The following PMFBP1 variants were observed in gnomAD, a reference collection of about 807,000 sequenced individuals.
The protein encoded by PMFBP1 is polyamine modulated factor 1 binding protein 1.
A neutral mutation model predicts 137.8 loss-of-function variants in PMFBP1; 131 were observed. That is an observed-to-expected ratio of 0.95 (90% CI 0.82 to 1.10). The LOEUF (loss-of-function observed/expected upper bound fraction) is 1.10. Ranked by LOEUF, PMFBP1 falls within the 50% of genes least tolerant of loss-of-function variation. PMFBP1 has a pLI of 0.00. For missense variants in PMFBP1, 1,199 were observed against 1,175.4 expected, an observed-to-expected ratio of 1.02 and a Z score of -0.29; for synonymous variants, 490 against 450.4, an observed-to-expected ratio of 1.09 and a Z score of -1.11.
the PMFBP1 span, among the ~76,000 whole-genome samples, chr16:72,183,010 C>A: frequency 1.3e-5 from 2 of 152,062 alleles, no homozygotes; most frequent in Non-Finnish European, 2.9e-5. Flanking sequence ...TGCCAGGTCC[C>A]CAGAGGGTCT....
chr16:72,207,397 G>T, the PMFBP1 span, among the ~76,000 whole-genome samples: 1 of 152,146 alleles, frequency 6.6e-6, no homozygotes, highest in Non-Finnish European at 1.5e-5. Context: ...AAAAGGGATG[G>T]TTTTGAGAGA....
the PMFBP1 span, among the ~76,000 whole-genome samples, chr16:72,182,716 T>C: frequency 1.3e-5 from 2 of 152,230 alleles, no homozygotes; most frequent in Non-Finnish European, 2.9e-5. Flanking sequence ...AGCTACCTTG[T>C]GCTGTAGCCT....
chr16:72,207,350 T>C, the PMFBP1 span, among the ~76,000 whole-genome samples: 1 of 151,898 alleles, frequency 6.6e-6, no homozygotes, highest in African/African-American at 2.4e-5. Flanking sequence ...GAAGCAGACA[T>C]GGAGGTTTTC....
the PMFBP1 span, among the ~76,000 whole-genome samples, chr16:72,194,673 C>T: frequency 7.2e-5 from 11 of 152,198 alleles, no homozygotes; most frequent in South Asian, 2.3e-3. Context: ...GTGAGAGAAT[C>T]GGTAGAGATG....
chr16:72,190,553 G>GGA, the PMFBP1 span, among the ~76,000 whole-genome samples: 1 of 152,256 alleles, frequency 6.6e-6, no homozygotes, highest in South Asian at 2.1e-4. Flanking sequence ...AGGGAAGAGG[G>GGA]GAGAGAGAGA....
At chr16:72,137,742 C>T (rs945716739) in intron 7 of PMFBP1, among the ~76,000 whole-genome samples, 2 of 152,102 alleles carry the variant, frequency 1.3e-5, no homozygotes, top group Non-Finnish European at 2.9e-5. Context: ...CCTTCCTCAC[C>T]AAGAGAAGGC....
the PMFBP1 span, among the ~76,000 whole-genome samples, chr16:72,198,153 A>G: frequency 2.0e-5 from 3 of 152,178 alleles, no homozygotes; most frequent in Admixed American, 1.3e-4. Context: ...ACTTGAATGT[A>G]CTGTAATAGA....
upstream of PMFBP1, among the ~76,000 whole-genome samples, chr16:72,177,563 A>C: frequency 6.6e-6 from 1 of 152,226 alleles, no homozygotes; most frequent in East Asian, 1.9e-4. Flanking sequence ...CAAAAATAGT[A>C]CACAGAGTTC....
At chr16:72,152,391 G>T (rs1215742335) in intron 4 of PMFBP1, among the ~76,000 whole-genome samples, 1 of 152,090 alleles carries the variant, frequency 6.6e-6, no homozygotes, top group Non-Finnish European at 1.5e-5. Flanking sequence ...ACATTTCCTA[G>T]GCTTCCTAGA....
chr16:72,129,128 C>A lies in PMFBP1; in HGVS notation c.1888G>T (p.Glu630Ter), dbSNP rs767705612. 5 of 1,614,266 alleles carry A rather than the reference C, an allele frequency of 3.1e-6. No homozygotes were observed. In the South Asian group the frequency reaches 5.5e-5, roughly 18 times the overall value. The change falls in exon 13 of 21, where the codon GAG becomes TAG. Residue 630 changes from glutamate to a stop codon, truncating the protein, a stop_gained. Transcript: ENST00000237353. LOFTEE classifies it high-confidence loss of function. ...REQLKKSKEHEKLMEGELEAL... is the reference protein window; with the variant it reads ...REQLKKSKEH ...TCAAGTTCTCCCTCCATCAGCTTCT[C>A]ATGCTCTTTGCTCTTCTTCAACTGC...
chr16:72,239,004 A>G, the PMFBP1 span, among the ~76,000 whole-genome samples: 1 of 152,182 alleles, frequency 6.6e-6, no homozygotes, highest in Non-Finnish European at 1.5e-5. Flanking sequence ...GCATAATAAA[A>G]TATACCCAAA....
At chr16:72,143,430 G>A (rs917779349) in intron 5 of PMFBP1, among the ~76,000 whole-genome samples, 2 of 152,180 alleles carry the variant, frequency 1.3e-5, no homozygotes, top group Non-Finnish European at 2.9e-5. Context: ...TAAGAGAGAA[G>A]TTTTCCTATA....
chr16:72,162,215 C>T (rs932561858), intron 3 of PMFBP1, among the ~76,000 whole-genome samples: 1 of 152,186 alleles, frequency 6.6e-6, no homozygotes, highest in Non-Finnish European at 1.5e-5. Flanking sequence ...AGGAGGCACT[C>T]AGTCTCAGGG....
In PMFBP1 at chr16:72,128,731, A is replaced by G; in HGVS notation, c.2014T>C (p.Cys672Arg). ...NENLRAELQC[C>R]STQLESSLNK... ...AGAGAGGATTCCAGTTGTGTAGAACAACACTGTAGCTCTGCTCGGAGATTC... is the reference window on the plus strand; with the variant it reads ...AGAGAGGATTCCAGTTGTGTAGAACGACACTGTAGCTCTGCTCGGAGATTC... Residue 672 changes from cysteine to arginine, a missense_variant, in exon 14 of 21, where the codon TGT (cysteine) becomes CGT (arginine). Transcript: ENST00000237353. The G allele has an allele frequency of 6.2e-7, 1 of 1,614,072 alleles. No individual in the cohort carries two copies. Among genetic ancestry groups the G allele is most frequent in the Middle Eastern group, 1.6e-4 (1 of 6,062 alleles).
chr16:72,178,439 G>C (rs535056401), upstream of PMFBP1, among the ~76,000 whole-genome samples: 25 of 152,262 alleles, frequency 1.6e-4, no homozygotes, highest in South Asian at 5.2e-3. Context: ...TAGCAAGGTG[G>C]ATCTCACTTG....
intron 3 of PMFBP1, among the ~76,000 whole-genome samples, chr16:72,157,208 A>T (rs111988515): frequency 8.4e-6 from 1 of 119,592 alleles, no homozygotes; most frequent in African/African-American, 2.6e-5. Flanking sequence ...AAAAAAAAAA[A>T]AAACCAGACA....
At chr16:72,201,270 G>A in the PMFBP1 span, among the ~76,000 whole-genome samples, 2 of 152,172 alleles carry the variant, frequency 1.3e-5, no homozygotes, top group African/African-American at 2.4e-5. Context: ...ATACTAATTT[G>A]AGTTCATAAT....
At chr16:72,244,908 G>A in the PMFBP1 span, among the ~76,000 whole-genome samples, 1 of 152,212 alleles carries the variant, frequency 6.6e-6, no homozygotes, top group Non-Finnish European at 1.5e-5. Flanking sequence ...CTCCAAGGGT[G>A]CAAGAGGTTA....
the PMFBP1 span, among the ~76,000 whole-genome samples, chr16:72,200,140 C>T: frequency 2.0e-5 from 3 of 152,348 alleles, no homozygotes; most frequent in African/African-American, 7.2e-5. Context: ...GCCAAACAGG[C>T]TCACTCCACT....
Sources: allele counts gnomAD v4.1 joint callset (sites outside exome capture counted in the v4.1 genomes callset), GRCh38; gene constraint gnomAD v4.1.1; transcripts MANE v1.5; gene names NCBI Gene and HGNC (gene_info 2026-07-23, HGNC 2026-07-21).